The following APBA2 variants were observed in gnomAD, a reference collection of about 807,000 sequenced individuals.
The protein encoded by APBA2 is amyloid beta precursor protein binding family A member 2, also known as amyloid-beta A4 precursor protein-binding family A member 2.
Under a neutral mutation model 75.0 loss-of-function variants are expected in APBA2, and 30 were observed. The observed-to-expected ratio is 0.40, with a 90% CI of 0.30 to 0.54. APBA2 has a LOEUF of 0.54. APBA2 is among the 20% of genes least tolerant of loss of function. The probability of loss-of-function intolerance (pLI) is 0.49; values close to 1 mark genes in which losing one functional copy is unlikely to be tolerated. For synonymous variants in APBA2, 444 were observed against 409.6 expected (o/e 1.08, Z -1.01); for missense variants, 801 against 1,016.1 (o/e 0.79, Z 2.88).
At chr15:29,090,099 C>T (rs1036234050) in intron 6 of APBA2, among the ~76,000 whole-genome samples, 26 of 152,278 alleles carry the variant, frequency 1.7e-4, no homozygotes, top group African/African-American at 6.0e-4. Flanking sequence ...TCCCGTGGTG[C>T]GTGTGAGTGG....
At chr15:29,069,698 T>C (rs1362425229) in intron 4 of APBA2, among the ~76,000 whole-genome samples, 3 of 152,236 alleles carry the variant, frequency 2.0e-5, no homozygotes, top group Admixed American at 6.5e-5. Flanking sequence ...TGAGCTGTCC[T>C]AGGTCAGGGT....
At chr15:28,944,935 C>T (rs904231752) in intron 2 of APBA2, among the ~76,000 whole-genome samples, 15 of 152,172 alleles carry the variant, frequency 9.9e-5, no homozygotes, top group African/African-American at 3.6e-4. Context: ...AAGGTGGGAA[C>T]CTGAGGGTCC....
chr15:28,940,502 G>T (rs1219005184), intron 2 of APBA2, among the ~76,000 whole-genome samples: 1 of 149,336 alleles, frequency 6.7e-6, no homozygotes, highest in Admixed American at 6.7e-5. Flanking sequence ...GCAGTGAGCC[G>T]AGATCACGCC....
At chr15:29,043,725 G>A (rs767533283) in intron 3 of APBA2, among the ~76,000 whole-genome samples, 1 of 152,198 alleles carries the variant, frequency 6.6e-6, no homozygotes, top group Non-Finnish European at 1.5e-5. Flanking sequence ...TGAAGGTTTA[G>A]TGTGTGCTCA....
chr15:29,065,772 C>T (rs62007199), intron 4 of APBA2, among the ~76,000 whole-genome samples: 2,657 of 152,314 alleles, frequency 0.017, 33 homozygotes, highest in Admixed American at 0.028. Context: ...CTATTGTCCC[C>T]TCCTCCAGTG....
At chr15:29,106,895 C>A in intron 12 of APBA2, 76 bp downstream of exon 12, 1 of 1,367,576 alleles carries the variant, frequency 7.3e-7, no homozygotes, top group Non-Finnish European at 1.0e-6. Context: ...CTGCAATCCC[C>A]ACTTCACTGC....
intron 2 of APBA2, among the ~76,000 whole-genome samples, chr15:28,982,085 C>T (rs2037652165): frequency 6.6e-6 from 1 of 152,086 alleles, no homozygotes; most frequent in Non-Finnish European, 1.5e-5. Flanking sequence ...TTAATCATAC[C>T]CCAAAGCTTA....
intron 2 of APBA2, among the ~76,000 whole-genome samples, chr15:28,959,742 G>A (rs2036365818): frequency 6.6e-6 from 1 of 152,194 alleles, no homozygotes; most frequent in African/African-American, 2.4e-5. Context: ...GACTGCTCCC[G>A]AAGTTCAGGG....
In APBA2 at chr15:28,929,702, G is replaced by A. The variant is rs115433553; in HGVS notation, c.-95+7953G>A. Among the ~76,000 whole-genome samples, 1,517 of 152,204 alleles carry A rather than the reference G, an allele frequency of 1.0e-2. 24 individuals carry two copies. Among genetic ancestry groups the A allele is most frequent in the African/African-American group, 0.034 (1,418 of 41,518 alleles). On this transcript the variant is annotated intron_variant, in intron 2 of 14. Coordinates refer to ENST00000683413, the MANE Select transcript of APBA2 (RefSeq NM_001353788.2). ...CCCCATTCTCAGTATTTGGCTTTTC[G>A]GATTGCAGTAGTGGGACTTGGGTGC...
intron 1 of APBA2, among the ~76,000 whole-genome samples, chr15:28,889,321 G>T (rs565390242): frequency 1.3e-5 from 2 of 152,322 alleles, no homozygotes; most frequent in South Asian, 2.1e-4. Context: ...GGAACCCTAC[G>T]TACTGGTGGG....
At chr15:28,937,588 G>A (rs2034949301) in intron 2 of APBA2, among the ~76,000 whole-genome samples, 1 of 152,152 alleles carries the variant, frequency 6.6e-6, no homozygotes, top group African/African-American at 2.4e-5. Flanking sequence ...CTAGAGTTAG[G>A]CCTCTCTCCC....
At chr15:29,072,233 C>T (rs2042655762) in intron 4 of APBA2, among the ~76,000 whole-genome samples, 1 of 152,098 alleles carries the variant, frequency 6.6e-6, no homozygotes, top group South Asian at 2.1e-4. Flanking sequence ...TGACCAGCAC[C>T]TGTCCAGCAA....
chr15:28,930,287 G>T (rs148205165), intron 2 of APBA2, among the ~76,000 whole-genome samples: 2 of 152,182 alleles, frequency 1.3e-5, no homozygotes, highest in Admixed American at 1.3e-4. Flanking sequence ...CCATCTGGGT[G>T]GGCGCTGAGC....
At chr15:29,041,801 A>G (rs1307218800) in intron 3 of APBA2, among the ~76,000 whole-genome samples, 1 of 152,238 alleles carries the variant, frequency 6.6e-6, no homozygotes, top group Admixed American at 6.5e-5. Context: ...AGGGATCAAT[A>G]GTGGAAACAA....
At chr15:28,910,226 C>A (rs2033365508) in intron 1 of APBA2, among the ~76,000 whole-genome samples, 2 of 152,112 alleles carry the variant, frequency 1.3e-5, no homozygotes, top group Admixed American at 1.3e-4. Context: ...TTTTTAGGGC[C>A]ATGTACAGCA....
At chr15:29,000,441 T>C (rs1013880275) in intron 3 of APBA2, among the ~76,000 whole-genome samples, 3 of 152,194 alleles carry the variant, frequency 2.0e-5, no homozygotes, top group South Asian at 4.1e-4. Flanking sequence ...CCCCTGGATG[T>C]AGGCACACGG....
chr15:29,078,851 T>G (rs984281418), intron 6 of APBA2, among the ~76,000 whole-genome samples: 1 of 152,108 alleles, frequency 6.6e-6, no homozygotes, highest in South Asian at 2.1e-4. Context: ...CCCTTGACAT[T>G]AGGAAAGCAA....
chr15:29,117,015 A>AG (rs759631094), intron 14 of APBA2, 47 bp from the exon 15 acceptor site: 4 of 1,575,458 alleles, frequency 2.5e-6, no homozygotes, highest in Non-Finnish European at 3.5e-6. Flanking sequence ...TGATTGTGGG[A>AG]GGGGAGGTGG....
At chr15:29,092,416 C>G (rs2043621443) in intron 6 of APBA2, among the ~76,000 whole-genome samples, 2 of 152,158 alleles carry the variant, frequency 1.3e-5, no homozygotes, top group African/African-American at 4.8e-5. Context: ...AGTCCCTCAG[C>G]TGCAGGAGCC....
Sources: allele counts gnomAD v4.1 joint callset (sites outside exome capture counted in the v4.1 genomes callset), GRCh38; gene constraint gnomAD v4.1.1; transcripts MANE v1.5; gene names NCBI Gene and HGNC (gene_info 2026-07-23, HGNC 2026-07-21).